Variants in PRKX observed in about 807,000 individuals in gnomAD.
PRKX encodes the protein protein kinase cAMP-dependent X-linked catalytic subunit.
Under a neutral mutation model 22.0 loss-of-function variants are expected in PRKX, and 12 were observed. That is an observed-to-expected ratio of 0.54 (90% CI 0.35 to 0.88). PRKX has a LOEUF of 0.88. Among genes scored for constraint, PRKX ranks in the 40% least tolerant of loss-of-function variants. PRKX has a pLI of 0.01. For missense variants in PRKX, 217 were observed against 308.0 expected, an observed-to-expected ratio of 0.70 and a Z score of 2.21; for synonymous variants, 134 against 137.7, an observed-to-expected ratio of 0.97 and a Z score of 0.19.
chrX:3,681,431 C>T (rs1382057806), intron 1 of PRKX, among the ~76,000 whole-genome samples: 5 of 108,042 alleles, frequency 4.6e-5, no homozygotes, highest in African/African-American at 1.0e-4. Context: ...ATGGGAGGAT[C>T]GCTTGAGCCC....
intron 2 of PRKX, among the ~76,000 whole-genome samples, chrX:3,656,040 T>C (rs1187537251): frequency 9.0e-6 from 1 of 111,540 alleles, no homozygotes; most frequent in African/African-American, 3.3e-5. Flanking sequence ...ACAAATAAAA[T>C]ACAGATAGAT....
intron 1 of PRKX, among the ~76,000 whole-genome samples, chrX:3,680,881 C>T (rs1408499499): frequency 9.1e-6 from 1 of 110,469 alleles, no homozygotes; most frequent in Admixed American, 9.7e-5. Context: ...AGCGAGAGCC[C>T]CTTGTCTACA....
intron 1 of PRKX, among the ~76,000 whole-genome samples, chrX:3,681,294 G>A (rs1316404074): frequency 6.3e-5 from 7 of 110,313 alleles, no homozygotes; most frequent in Non-Finnish European, 1.3e-4. Flanking sequence ...CGAAGCAGGA[G>A]GATTGCTTGA....
chrX:3,666,015 GT>G (rs140367338), intron 2 of PRKX, among the ~76,000 whole-genome samples: 39,750 of 102,334 alleles, frequency 0.39, 6,665 homozygotes, highest in East Asian at 0.57. Flanking sequence ...TTTGTTTTCT[GT>G]TTTTTTTTTT....
At chrX:3,612,789 AATATAT>A (rs772482696) in intron 7 of PRKX, among the ~76,000 whole-genome samples, 3 of 109,940 alleles carry the variant, frequency 2.7e-5, no homozygotes, top group African/African-American at 6.6e-5. Context: ...CCTGTCTCAA[AATATAT>A]ATATATAGTA....
intron 2 of PRKX, among the ~76,000 whole-genome samples, chrX:3,661,026 A>G (rs887538549): frequency 6.3e-5 from 7 of 110,559 alleles, no homozygotes; most frequent in Admixed American, 5.9e-4. Flanking sequence ...CAAGTGTCTC[A>G]GTAAAATCAA....
chrX:3,697,697 G>A (rs1313905331), intron 1 of PRKX, among the ~76,000 whole-genome samples: 3 of 110,243 alleles, frequency 2.7e-5, no homozygotes, highest in Admixed American at 9.7e-5. Flanking sequence ...GGTGCTCGTC[G>A]CCATGCCCGG....
chrX:3,693,517 G>C (rs1372698155), intron 1 of PRKX, among the ~76,000 whole-genome samples: 1 of 110,766 alleles, frequency 9.0e-6, no homozygotes, highest in African/African-American at 3.3e-5. Flanking sequence ...GGGAAGAAGG[G>C]GACACATTTC....
chrX:3,713,513 G>C lies in PRKX; in HGVS notation c.-260C>G, dbSNP rs1399011426. 8.6e-6 allele frequency: 2 copies of C among 231,304 alleles called. No homozygotes were observed. Among genetic ancestry groups the C allele is most frequent in the Non-Finnish European group, 1.6e-5 (2 of 128,370 alleles). The allele number at this position is 231,304 out of a possible 1,213,427, so 19.1% of individuals were successfully genotyped here. A position where few individuals can be genotyped will look rare whatever the true frequency, so the allele number is the denominator to read the frequency against. ...GGGGGGCGGGCACCGAGTGCGGGAC[G>C]ACTGCGGGGAAGGCGGGGGCCGCGG... On this transcript the variant is annotated 5_prime_UTR_variant, in exon 1 of 9. Coordinates refer to ENST00000262848, the MANE Select transcript of PRKX (RefSeq NM_005044.5).
In PRKX at chrX:3,655,169, G is replaced by A. The variant is rs374005199; in HGVS notation, c.579C>T (p.Phe193=). 19 of 1,209,965 alleles carry A rather than the reference G, an allele frequency of 1.6e-5. No homozygotes were observed. Among genetic ancestry groups the A allele is most frequent in the African/African-American group, 5.3e-5 (3 of 57,134 alleles). Residue 193 remains phenylalanine, a synonymous_variant, in exon 3 of 9, where the codon TTC becomes TTT. Coordinates refer to ENST00000262848, the MANE Select transcript of PRKX (RefSeq NM_005044.5). Reference sequence around the variant, plus strand: ...CTTACCTGTCTACCAGCTTCTTGGCGAACCCAAAGTCCGTGAGCTTAATGT... The same window carrying A: ...CTTACCTGTCTACCAGCTTCTTGGCAAACCCAAAGTCCGTGAGCTTAATGT... ...DGHIKLTDFG[F]AKKLVDRTWT...
intron 3 of PRKX, among the ~76,000 whole-genome samples, chrX:3,649,331 A>G (rs1004929878): frequency 9.2e-6 from 1 of 108,655 alleles, no homozygotes; most frequent in African/African-American, 3.4e-5. Context: ...TTTTATTTTG[A>G]CCATTTCATA....
At chrX:3,689,805 G>T (rs757433651) in intron 1 of PRKX, among the ~76,000 whole-genome samples, 2 of 111,325 alleles carry the variant, frequency 1.8e-5, no homozygotes, top group Non-Finnish European at 3.8e-5. Flanking sequence ...GTGAAACCCT[G>T]TCTCCACTAA....
At chrX:3,699,657 G>T (rs113701107) in intron 1 of PRKX, among the ~76,000 whole-genome samples, 1,193 of 112,273 alleles carry the variant, frequency 0.011, 12 homozygotes, top group African/African-American at 0.037. Context: ...CCCAGCCAGG[G>T]TTTCACTCTT....
intron 1 of PRKX, among the ~76,000 whole-genome samples, chrX:3,709,123 GGAGTGAGCC>G (rs1928737414): frequency 9.5e-6 from 1 of 105,108 alleles, no homozygotes; most frequent in Non-Finnish European, 1.9e-5. Context: ...GTTCAAGGCT[GGAGTGAGCC>G]GAGATCGCAC....
chrX:3,652,410 T>C (rs1603474071), intron 3 of PRKX, among the ~76,000 whole-genome samples: 1 of 92,493 alleles, frequency 1.1e-5, no homozygotes, highest in Admixed American at 1.3e-4. Context: ...AGAGCCAGAC[T>C]CCATCTCAAA....
intron 6 of PRKX, among the ~76,000 whole-genome samples, chrX:3,619,574 C>T: frequency 9.3e-6 from 1 of 107,508 alleles, no homozygotes; most frequent in South Asian, 4.2e-4. Context: ...ACAGAGAAGG[C>T]CACGTGAAGA....
At chrX:3,689,301 G>C (rs1184130992) in intron 1 of PRKX, among the ~76,000 whole-genome samples, 2 of 112,687 alleles carry the variant, frequency 1.8e-5, no homozygotes, top group Middle Eastern at 4.6e-3. Flanking sequence ...TCTTTACGAA[G>C]TCGATTTTTG....
chrX:3,653,829 T>A (rs757517601), intron 3 of PRKX, among the ~76,000 whole-genome samples: 41 of 45,097 alleles, frequency 9.1e-4, no homozygotes, highest in East Asian at 4.5e-3. Flanking sequence ...GATATATATA[T>A]TATATATTAT....
chrX:3,665,071 C>A (rs941352311), intron 2 of PRKX, among the ~76,000 whole-genome samples: 4 of 112,333 alleles, frequency 3.6e-5, no homozygotes, highest in African/African-American at 1.3e-4. Flanking sequence ...TGGCATGAGG[C>A]CAAAACTGCA....
Sources: allele counts gnomAD v4.1 joint callset (sites outside exome capture counted in the v4.1 genomes callset), GRCh38; gene constraint gnomAD v4.1.1; transcripts MANE v1.5; gene names NCBI Gene and HGNC (gene_info 2026-07-23, HGNC 2026-07-21).